Variants in TPRG1 observed in about 807,000 individuals in gnomAD.
TPRG1 encodes the protein tumor protein p63-regulated gene 1 protein.
Under a neutral mutation model 29.3 loss-of-function variants are expected in TPRG1, and 29 were observed. The ratio of observed to expected loss-of-function variants is 0.99; its 90% CI spans 0.74 to 1.35. TPRG1 has a LOEUF of 1.35. Among genes scored for constraint, TPRG1 ranks in the 40% most tolerant of loss-of-function variants. The pLI is 0.00. For missense variants in TPRG1, 327 were observed against 335.0 expected (o/e 0.98, Z 0.19); for synonymous variants, 130 against 116.8 (o/e 1.11, Z -0.73).
At chr3:189,137,046 A>G (rs1723836325) in intron 3 of TPRG1, among the ~76,000 whole-genome samples, 1 of 152,132 alleles carries the variant, frequency 6.6e-6, no homozygotes, top group Admixed American at 6.5e-5. Flanking sequence ...TATTTTAGAG[A>G]CAAACTAAGG....
At chr3:189,231,838 T>A (rs1369162487) in intron 3 of TPRG1, among the ~76,000 whole-genome samples, 1 of 152,130 alleles carries the variant, frequency 6.6e-6, no homozygotes, top group African/African-American at 2.4e-5. Flanking sequence ...ACCTGATCCA[T>A]AGAAGACCCT....
intron 1 of TPRG1, among the ~76,000 whole-genome samples, chr3:188,997,719 T>A (rs539983420): frequency 5.3e-5 from 8 of 152,256 alleles, no homozygotes; most frequent in Non-Finnish European, 1.0e-4. Context: ...GTTTATCATA[T>A]CTATAGTTCC....
intron 1 of TPRG1, among the ~76,000 whole-genome samples, chr3:189,123,378 A>G (rs1402358085): frequency 6.6e-6 from 1 of 152,212 alleles, no homozygotes; most frequent in Non-Finnish European, 1.5e-5. Context: ...TCAGTGGGTA[A>G]CATTTGACAG....
chr3:189,201,974 T>C (rs1055878798), intron 1 of TPRG1, among the ~76,000 whole-genome samples: 1 of 152,072 alleles, frequency 6.6e-6, no homozygotes, highest in African/African-American at 2.4e-5. Flanking sequence ...TATTGAACTG[T>C]TGTGAGAGGG....
In TPRG1 at chr3:189,177,476, A is replaced by G. The variant is rs116459979; in HGVS notation, c.-10+5345A>G. Among the ~76,000 whole-genome samples, 861 of 151,466 alleles carry G rather than the reference A, an allele frequency of 5.7e-3. 9 individuals are homozygous for G. The highest frequency in any genetic ancestry group is 0.018 in the African/African-American group (755 of 41,304). On this transcript the variant is annotated intron_variant, in intron 1 of 5. Coordinates refer to ENST00000345063, the MANE Select transcript of TPRG1 (RefSeq NM_198485.4). ...TGTTTATATATGCATATACTTATAT[A>G]TGTATATACATATATATGTCTGTTT...
intron 1 of TPRG1, chr3:189,123,619 C>T (rs903025234): frequency 6.6e-6 from 1 of 152,174 alleles, no homozygotes; most frequent in Non-Finnish European, 1.5e-5. Context: ...AGGAAAAAGA[C>T]CAGACTCGGA....
At chr3:189,170,503 A>G (rs761555308), upstream of TPRG1, among the ~76,000 whole-genome samples, 3 of 152,240 alleles carry the variant, frequency 2.0e-5, no homozygotes, top group Non-Finnish European at 2.9e-5. Flanking sequence ...TTACCATAGT[A>G]CTTGTTAGGA....
At chr3:189,314,694 A>G (rs1453213431) in intron 5 of TPRG1, among the ~76,000 whole-genome samples, 1 of 126,842 alleles carries the variant, frequency 7.9e-6, no homozygotes, top group African/African-American at 2.6e-5. Context: ...ATTATGAGAC[A>G]TAAAAATATC....
chr3:189,280,248 G>T (rs1716884852), intron 4 of TPRG1, among the ~76,000 whole-genome samples: 3 of 151,830 alleles, frequency 2.0e-5, no homozygotes, highest in Non-Finnish European at 4.4e-5. Context: ...TGCACCTGTG[G>T]ATATACATAA....
At chr3:189,136,565 A>C (rs1723769941) in intron 3 of TPRG1, among the ~76,000 whole-genome samples, 2 of 152,228 alleles carry the variant, frequency 1.3e-5, no homozygotes, top group African/African-American at 4.8e-5. Context: ...TTCAATTAAC[A>C]AAAAATGTCT....
intron 5 of TPRG1, among the ~76,000 whole-genome samples, chr3:189,153,819 G>C (rs1335206521): frequency 6.6e-6 from 1 of 152,214 alleles, no homozygotes; most frequent in East Asian, 1.9e-4. Context: ...ACTGATCTGA[G>C]AGACAAGAGG....
At position 189,320,754 on chromosome 3, in the gene TPRG1, G is replaced by GATGTC; in HGVS notation, c.765_769dup (p.Phe257CysfsTer38). On this transcript the variant is annotated frameshift_variant, in exon 6 of 6. Coordinates refer to ENST00000345063, the MANE Select transcript of TPRG1 (RefSeq NM_198485.4). LOFTEE classifies it high-confidence loss of function. ...TTTTGATTGAGACCTACACAGGGCT[G>GATGTC]ATGTCATTCATTGGAAACCGCAACA... The GATGTC allele has an allele frequency of 6.2e-7, 1 of 1,611,408 alleles. No individual in the cohort carries two copies. Among genetic ancestry groups the GATGTC allele is most frequent in the Non-Finnish European group, 8.5e-7 (1 of 1,178,816 alleles).
chr3:189,062,854 G>T (rs1384086555), intron 4 of TPRG1, among the ~76,000 whole-genome samples: 3 of 151,970 alleles, frequency 2.0e-5, no homozygotes, highest in Non-Finnish European at 4.4e-5. Context: ...AAGAGTAACA[G>T]AGTAACAAGA....
At chr3:189,318,054 C>T (rs565683185) in intron 5 of TPRG1, among the ~76,000 whole-genome samples, 9 of 152,246 alleles carry the variant, frequency 5.9e-5, no homozygotes, top group Admixed American at 5.2e-4. Context: ...TACAGTCTGT[C>T]CAGCAGCGTG....
intron 3 of TPRG1, among the ~76,000 whole-genome samples, chr3:189,224,030 A>G (rs914475659): frequency 2.6e-5 from 4 of 152,224 alleles, no homozygotes; most frequent in African/African-American, 7.2e-5. Context: ...AAAGACAGAC[A>G]TGTAAACAAA....
chr3:189,200,221 C>T (rs1451158633), intron 1 of TPRG1, among the ~76,000 whole-genome samples: 1 of 152,204 alleles, frequency 6.6e-6, no homozygotes, highest in South Asian at 2.1e-4. Context: ...GGACACAGAG[C>T]AGCCCTGCTG....
At chr3:189,274,011 G>C (rs1052474646) in intron 4 of TPRG1, among the ~76,000 whole-genome samples, 1 of 132,736 alleles carries the variant, frequency 7.5e-6, no homozygotes, top group Non-Finnish European at 1.5e-5. Flanking sequence ...CTGGAAGCCA[G>C]TGAAAAAATT....
At chr3:189,018,182 C>T (rs1402428253) in intron 3 of TPRG1, among the ~76,000 whole-genome samples, 1 of 149,194 alleles carries the variant, frequency 6.7e-6, no homozygotes, top group African/African-American at 2.5e-5. Flanking sequence ...TTGTAGGTTG[C>T]CTGTTCACTC....
At chr3:189,099,743 C>T (rs1718968632), upstream of TPRG1, among the ~76,000 whole-genome samples, 1 of 152,110 alleles carries the variant, frequency 6.6e-6, no homozygotes, top group African/African-American at 2.4e-5. Flanking sequence ...GGGGTGCCAC[C>T]TCCAGACCCA....
Sources: gnomAD v4.1 joint callset for allele counts (sites outside exome capture counted in the v4.1 genomes callset) on GRCh38, gnomAD v4.1.1 for gene constraint, MANE v1.5 for transcripts, NCBI Gene and HGNC (gene_info 2026-07-23, HGNC 2026-07-21) for gene names.